Variants in DYSF observed in about 807,000 individuals in gnomAD.
The protein encoded by DYSF is dystrophy-associated fer-1-like 1.
In DYSF, 212 loss-of-function variants were observed where a neutral mutation model predicts 274.9. The ratio of observed to expected loss-of-function variants is 0.77; its 90% CI spans 0.69 to 0.86. The LOEUF is 0.86. Ranked by LOEUF, DYSF falls within the 40% of genes least tolerant of loss-of-function variation. The pLI is 0.00. For synonymous variants in DYSF, 1,091 were observed against 1,078.7 expected (o/e 1.01, Z -0.22); for missense variants, 2,666 against 2,783.2 (o/e 0.96, Z 0.95).
intron 44 of DYSF, 44 bp from the exon 45 acceptor site, chr2:71,660,516 G>A: frequency 6.4e-7 from 1 of 1,553,030 alleles, no homozygotes; most frequent in Non-Finnish European, 8.9e-7. Context: ...TCAAAGACAG[G>A]TTTGGAAAGT....
intron 32 of DYSF, 136 bp from the exon 33 acceptor site, chr2:71,598,428 C>T: frequency 9.3e-7 from 1 of 1,071,072 alleles, no homozygotes; most frequent in Non-Finnish European, 1.4e-6. Flanking sequence ...AAGATGCATC[C>T]CAGCATGAAT....
chr2:71,657,881 T>C (rs1216801047), intron 43 of DYSF, among the ~76,000 whole-genome samples: 2 of 152,100 alleles, frequency 1.3e-5, no homozygotes, highest in African/African-American at 2.4e-5. Context: ...TGAAGATCTC[T>C]GATATGGCCT....
chr2:71,641,434 C>T (rs2094485218), intron 41 of DYSF, among the ~76,000 whole-genome samples: 1 of 152,136 alleles, frequency 6.6e-6, no homozygotes, highest in Non-Finnish European at 1.5e-5. Flanking sequence ...CCGCCTCGGC[C>T]TCCCAAAGTG....
At position 71,481,876 on chromosome 2, in the gene DYSF, C is replaced by T. The variant is rs1558967014; in HGVS notation, c.148-3C>T. 2 of 1,613,722 alleles carry T rather than the reference C, an allele frequency of 1.2e-6. No homozygotes were observed. Among genetic ancestry groups the T allele is most frequent in the Non-Finnish European group, 1.7e-6 (2 of 1,179,680 alleles). ...TAAGATGCCTTTTCTCTTTTTCTTC[C>T]AGGGATTTGAATGGGACCTCAAGGG... On this transcript the variant is annotated splice_polypyrimidine_tract_variant and splice_region_variant and intron_variant, in intron 2 of 55. Transcript: ENST00000410020.
At chr2:71,511,476 AT>A (rs1048374108) in intron 4 of DYSF, among the ~76,000 whole-genome samples, 5 of 152,130 alleles carry the variant, frequency 3.3e-5, no homozygotes, top group African/African-American at 1.2e-4. Context: ...ACATCAACTA[AT>A]TTGCTCCACA....
At chr2:71,533,980 C>T (rs1184936911) in intron 14 of DYSF, among the ~76,000 whole-genome samples, 2 of 152,184 alleles carry the variant, frequency 1.3e-5, no homozygotes, top group Non-Finnish European at 2.9e-5. Flanking sequence ...CCTTACTCCT[C>T]TCTTTGCTAA....
At chr2:71,539,587 T>TA (rs1345084679) in intron 17 of DYSF, among the ~76,000 whole-genome samples, 2 of 152,172 alleles carry the variant, frequency 1.3e-5, no homozygotes, top group Non-Finnish European at 2.9e-5. Flanking sequence ...ACTGTTCTAT[T>TA]AAAAAAGCAA....
intron 40 of DYSF, among the ~76,000 whole-genome samples, chr2:71,618,068 G>A (rs2093953820): frequency 1.1e-5 from 1 of 87,896 alleles, no homozygotes. Flanking sequence ...GGTAGAGATG[G>A]GGTGTGTGTG....
chr2:71,570,959 CCAGCATACA>C lies in DYSF; in HGVS notation c.3228+221_3228+229del, dbSNP rs2092386067. On this transcript the variant is annotated intron_variant, in intron 29 of 55. Transcript: ENST00000410020. ...CACCCAGCATACCCAAAGATCACAC[CCAGCATACA>C]CACAGATCACACCCAGCACACAGAT... The C allele has an allele frequency of 4.1e-5, 25 of 608,252 alleles. No individual in the cohort carries two copies. In the African/African-American group the frequency reaches 4.6e-4, roughly 11 times the overall value. The allele number at this position is 608,252 out of a possible 1,614,324, so 37.7% of individuals were successfully genotyped here.
chr2:71,544,814 A>G (rs1269796150), intron 17 of DYSF, among the ~76,000 whole-genome samples: 1 of 152,200 alleles, frequency 6.6e-6, no homozygotes, highest in African/African-American at 2.4e-5. Context: ...GGCAGCTATC[A>G]GAGGCATGTA....
At chr2:71,482,804 C>T (rs908676626) in intron 3 of DYSF, among the ~76,000 whole-genome samples, 1 of 152,056 alleles carries the variant, frequency 6.6e-6, no homozygotes, top group South Asian at 2.1e-4. Flanking sequence ...GAGGCAGCTG[C>T]GTTAGATGCC....
chr2:71,600,927 C>T, intron 34 of DYSF, 85 bp downstream of exon 34: 1 of 1,577,248 alleles, frequency 6.3e-7, no homozygotes, highest in Non-Finnish European at 8.6e-7. Flanking sequence ...GGAACACCTC[C>T]TCTGAAGCCA....
intron 42 of DYSF, among the ~76,000 whole-genome samples, chr2:71,651,927 A>G (rs1334039002): frequency 1.3e-5 from 2 of 152,234 alleles, no homozygotes; most frequent in Non-Finnish European, 2.9e-5. Flanking sequence ...AAAGCATTCA[A>G]TAAAGTTTAA....
chr2:71,591,048 A>G (rs994057603), intron 32 of DYSF, among the ~76,000 whole-genome samples: 3 of 152,246 alleles, frequency 2.0e-5, no homozygotes, highest in Non-Finnish European at 4.4e-5. Flanking sequence ...AGCACAGCAG[A>G]CAAGTCCCTT....
At chr2:71,654,846 A>C (rs1393244532) in intron 42 of DYSF, among the ~76,000 whole-genome samples, 3 of 152,176 alleles carry the variant, frequency 2.0e-5, no homozygotes, top group Non-Finnish European at 4.4e-5. Flanking sequence ...TGGGAGGATG[A>C]AGTGGGAGGA....
At chr2:71,459,367 G>C (rs1426860586) in intron 1 of DYSF, among the ~76,000 whole-genome samples, 1 of 152,176 alleles carries the variant, frequency 6.6e-6, no homozygotes, top group Non-Finnish European at 1.5e-5. Context: ...CTTCCTCGAT[G>C]GTCAGGAAGG....
rs1573061231 is a variant in DYSF, at chr2:71,665,237, C to T, written c.5250C>T (p.Val1750=). The T allele has an allele frequency of 1.2e-6, 2 of 1,614,182 alleles. No homozygotes were observed. Among genetic ancestry groups the T allele is most frequent in the Non-Finnish European group, 1.7e-6 (2 of 1,180,028 alleles). Residue 1750 remains valine (V), a synonymous_variant, in exon 47 of 56, where the codon GTC becomes GTT. Coordinates refer to ENST00000410020, the MANE Select transcript of DYSF (RefSeq NM_001130987.2). The stretch of plus-strand genomic sequence containing the variant: ...ACCTCTTCTGCCAGCAGCATAGAGT[C>T]AAGGCACCTGTGTACCGGACAGACC... ...LLHLFCQQHR[V]KAPVYRTDRV...
chr2:71,626,022 G>T (rs2152902611), intron 41 of DYSF, among the ~76,000 whole-genome samples: 1 of 152,032 alleles, frequency 6.6e-6, no homozygotes, highest in East Asian at 1.9e-4. Context: ...ACTCTCTTAT[G>T]AATTATACTG....
At position 71,551,556 on chromosome 2, in the gene DYSF, C is replaced by T; in HGVS notation, c.1693-51C>T. The T allele has an allele frequency of 2.7e-6, 4 of 1,505,418 alleles. No individual in the cohort carries two copies. In the South Asian group the frequency reaches 3.5e-5, roughly 13 times the overall value. 93.3% of individuals were successfully genotyped at this position (1,505,418 alleles called of 1,614,324 possible). On this transcript the variant is annotated intron_variant, in intron 18 of 55. Transcript: ENST00000410020. ...GGGCCAGAGGGTGCCCCTTTCCTTC[C>T]CCTCCTCCCCTCTGTCTCCCCTGCT...
Sources: gnomAD v4.1 joint callset for allele counts (sites outside exome capture counted in the v4.1 genomes callset) on GRCh38, gnomAD v4.1.1 for gene constraint, MANE v1.5 for transcripts, NCBI Gene and HGNC (gene_info 2026-07-23, HGNC 2026-07-21) for gene names.